Variants in USP28 observed in about 807,000 individuals in gnomAD.
The protein encoded by USP28 is ubiquitin specific peptidase 28.
A neutral mutation model predicts 145.0 loss-of-function variants in USP28; 113 were observed. The observed-to-expected ratio is 0.78, with a 90% CI of 0.67 to 0.91. USP28 has a LOEUF of 0.91. Among genes scored for constraint, USP28 ranks in the 40% least tolerant of loss-of-function variants. The pLI is 0.00. For synonymous variants in USP28, 447 were observed against 450.9 expected (o/e 0.99, Z 0.11); for missense variants, 1,201 against 1,289.6 (o/e 0.93, Z 1.05).
At chr11:113,864,808 A>G (rs1948101296) in intron 1 of USP28, among the ~76,000 whole-genome samples, 2 of 152,202 alleles carry the variant, frequency 1.3e-5, no homozygotes, top group African/African-American at 4.8e-5. Flanking sequence ...ATGTCTGCAT[A>G]CATACCTCAT....
chr11:113,840,788 A>G (rs779590954), intron 4 of USP28, 31 bp from the exon 5 acceptor site: 1 of 1,589,598 alleles, frequency 6.3e-7, no homozygotes. Context: ...CACAGCAAAA[A>G]AGAAAATAGT....
chr11:113,819,115 C>CTT (rs1055207541), intron 12 of USP28, among the ~76,000 whole-genome samples: 18 of 140,332 alleles, frequency 1.3e-4, no homozygotes, highest in African/African-American at 2.8e-4. Flanking sequence ...CATTTTTATT[C>CTT]TTTTTTTTTT....
chr11:113,874,452 G>A (rs913058883), intron 1 of USP28: 9 of 369,336 alleles, frequency 2.4e-5, no homozygotes, highest in Non-Finnish European at 3.4e-5. Flanking sequence ...AAAAAAAAGT[G>A]TCTCCATGCT....
chr11:113,863,750 C>A (rs1947964310), intron 1 of USP28, among the ~76,000 whole-genome samples: 1 of 149,548 alleles, frequency 6.7e-6, no homozygotes, highest in African/African-American at 2.5e-5. Flanking sequence ...TCGAGACCAT[C>A]CTGACTAACA....
chr11:113,839,719 T>C (rs2136143391), intron 5 of USP28, among the ~76,000 whole-genome samples: 1 of 151,838 alleles, frequency 6.6e-6, no homozygotes, highest in African/African-American at 2.4e-5. Flanking sequence ...CGAAACCCTG[T>C]CTCTACTAAA....
At chr11:113,857,071 A>C (rs1362615731) in intron 1 of USP28, among the ~76,000 whole-genome samples, 1 of 152,152 alleles carries the variant, frequency 6.6e-6, no homozygotes, top group Non-Finnish European at 1.5e-5. Context: ...AGAAAGGAAA[A>C]CTGCTGCCAC....
At chr11:113,835,673 AC>A (rs1227515303) in intron 5 of USP28, among the ~76,000 whole-genome samples, 3 of 152,152 alleles carry the variant, frequency 2.0e-5, no homozygotes, top group Admixed American at 1.3e-4. Flanking sequence ...TCTGCTGGCT[AC>A]CCTGTGACAT....
chr11:113,808,775 T>C (rs1162839396), intron 17 of USP28, among the ~76,000 whole-genome samples: 1 of 152,246 alleles, frequency 6.6e-6, no homozygotes, highest in Admixed American at 6.5e-5. Context: ...TCATAAAGTC[T>C]ACCTATTAAC....
At chr11:113,819,920 T>C (rs779057637) in intron 12 of USP28, among the ~76,000 whole-genome samples, 2 of 152,200 alleles carry the variant, frequency 1.3e-5, no homozygotes, top group African/African-American at 2.4e-5. Context: ...GGTTTCACCA[T>C]GTTGGTCAGG....
intron 12 of USP28, chr11:113,821,084 AG>A: frequency 4.1e-6 from 1 of 243,490 alleles, no homozygotes. Context: ...GTCACTGGTG[AG>A]GGACTTGGGA....
intron 2 of USP28, 121 bp from the exon 3 acceptor site, chr11:113,852,754 G>T: frequency 2.7e-6 from 3 of 1,125,808 alleles, no homozygotes; most frequent in South Asian, 1.5e-5. Flanking sequence ...TTCTAGGGTA[G>T]AATTATGAGA....
intron 1 of USP28, among the ~76,000 whole-genome samples, chr11:113,867,232 T>C (rs1182649510): frequency 6.6e-6 from 1 of 152,136 alleles, no homozygotes; most frequent in Non-Finnish European, 1.5e-5. Context: ...TGCACAATAT[T>C]GTGAATATAT....
At chr11:113,806,035 C>T (rs1939894749) in intron 19 of USP28, among the ~76,000 whole-genome samples, 2 of 151,900 alleles carry the variant, frequency 1.3e-5, no homozygotes, top group Admixed American at 1.3e-4. Context: ...CTCAAGTGAT[C>T]CTCCTGCCTC....
At chr11:113,852,269 C>G (rs912675976) in intron 3 of USP28, among the ~76,000 whole-genome samples, 1 of 152,232 alleles carries the variant, frequency 6.6e-6, no homozygotes, top group Non-Finnish European at 1.5e-5. Flanking sequence ...ACCTCGTAAT[C>G]CGCCTGCCTC....
intron 3 of USP28, among the ~76,000 whole-genome samples, chr11:113,851,386 T>C (rs1182262384): frequency 6.6e-6 from 1 of 152,156 alleles, no homozygotes; most frequent in East Asian, 1.9e-4. Flanking sequence ...CTTTCGGCCC[T>C]CCTCACTCAC....
exon 14 of USP28, chr11:113,815,248 A>G: frequency 6.2e-7 from 1 of 1,614,210 alleles, no homozygotes; most frequent in Non-Finnish European, 8.5e-7. Flanking sequence ...CTCATCTGTG[A>G]CTGTTCGTGG....
intron 11 of USP28, 120 bp downstream of exon 11, chr11:113,827,113 G>A (rs1943463765): frequency 1.6e-6 from 2 of 1,272,422 alleles, no homozygotes; most frequent in Non-Finnish European, 2.1e-6. Context: ...TAGACTCATA[G>A]AATCCAAATT....
chr11:113,805,095 T>G (rs745614106), intron 19 of USP28, 49 bp from the exon 21 acceptor site: 4 of 1,552,412 alleles, frequency 2.6e-6, no homozygotes, highest in Non-Finnish European at 3.5e-6. Context: ...TGTGGGCTTC[T>G]GCACACAGAA....
chr11:113,804,336 CAT>C (rs756946711), intron 21 of USP28, among the ~76,000 whole-genome samples: 7 of 152,176 alleles, frequency 4.6e-5, no homozygotes, highest in African/African-American at 9.7e-5. Flanking sequence ...CAATTGAAAA[CAT>C]GTGTAGCTAT....
Sources: gnomAD v4.1 joint callset for allele counts (sites outside exome capture counted in the v4.1 genomes callset) on GRCh38, gnomAD v4.1.1 for gene constraint, MANE v1.5 for transcripts, NCBI Gene and HGNC (gene_info 2026-07-23, HGNC 2026-07-21) for gene names.